Variants in SRPK3 observed in about 807,000 individuals in gnomAD.
SRPK3 encodes SRSF protein kinase 3.
Under a neutral mutation model 45.3 loss-of-function variants are expected in SRPK3, and 26 were observed. That is an observed-to-expected ratio of 0.57 (90% CI 0.42 to 0.80). SRPK3 has a LOEUF of 0.80. SRPK3 is among the 30% of genes least tolerant of loss of function. SRPK3 has a pLI of 0.00. For missense variants in SRPK3, 536 were observed against 514.5 expected (o/e 1.04, Z -0.40); for synonymous variants, 254 against 226.6 (o/e 1.12, Z -1.09).
intron 8 of SRPK3, 37 bp from the exon 9 acceptor site, chrX:153,783,715 G>C (rs1352312119): frequency 6.6e-6 from 8 of 1,207,183 alleles, no homozygotes; most frequent in Non-Finnish European, 7.8e-6. Context: ...GACTGGGGCG[G>C]GCGACAGGAA....
At position 153,781,206 on chromosome X, in the gene SRPK3, C is replaced by T. The variant is rs1557066675; in HGVS notation, c.60-10C>T. ...TCTCTCATGCCCACTGCCACTCACC[C>T]CACCCGCAGCTCACAGGCCTCCTGC... is the stretch of plus-strand genomic sequence containing the variant. On this transcript the variant is annotated splice_polypyrimidine_tract_variant and intron_variant, in intron 1 of 14. Coordinates refer to ENST00000370101, the MANE Select transcript of SRPK3 (RefSeq NM_014370.4). 2.5e-6 allele frequency: 3 copies of T among 1,203,729 alleles called. No individual in the cohort carries two copies. In the East Asian group the frequency reaches 9.0e-5, roughly 36 times the overall value.
chrX:153,783,037 G>A lies in SRPK3; in HGVS notation c.667G>A (p.Gly223Arg), dbSNP rs142432448. ...IKPENILLCV[G>R]DAYIRRLAAE... ...GCCCGAGAACATCTTGCTGTGTGTG[G>A]GGGACGCTTACATCAGGCGCCTGGC... Residue 223 changes from glycine to arginine, a missense_variant, in exon 7 of 15, where the codon GGG (glycine) becomes AGG (arginine). Gly to Arg is a moderately radical substitution (Grantham distance 125). Coordinates refer to ENST00000370101, the MANE Select transcript of SRPK3 (RefSeq NM_014370.4). 4.2e-6 allele frequency: 5 copies of A among 1,183,766 alleles called. No individual in the cohort carries two copies. Among genetic ancestry groups the A allele is most frequent in the South Asian group, 1.9e-5 (1 of 52,293 alleles).
At chrX:153,784,490 A>G in intron 11 of SRPK3, 96 bp downstream of exon 11, 1 of 993,955 alleles carries the variant, frequency 1.0e-6, no homozygotes, top group Non-Finnish European at 1.4e-6. Flanking sequence ...TCTGCAGTGC[A>G]CGTGAACCGT....
chrX:153,785,184 G>C lies in SRPK3; in HGVS notation c.1519+11G>C. 8.3e-7 allele frequency: 1 copy of C among 1,205,093 alleles called. No homozygotes were observed. The highest frequency in any genetic ancestry group is 3.0e-5 in the East Asian group (1 of 33,802). On this transcript the variant is annotated intron_variant, in intron 14 of 14. Transcript: ENST00000370101. Reference sequence around the variant, plus strand: ...TCTTCAACCGGAGAGGTGAGGGCCCGGGCAGCCTCAGGCCATGTGGCTGCA... The same window carrying C: ...TCTTCAACCGGAGAGGTGAGGGCCCCGGCAGCCTCAGGCCATGTGGCTGCA...
rs782586978 is a variant in SRPK3 at position 153,782,141 on chromosome X, T to C, written c.408T>C (p.Ser136=). The C allele has an allele frequency of 8.3e-7, 1 of 1,211,428 alleles. No individual in the cohort carries two copies. The highest frequency in any genetic ancestry group is 1.7e-5 in the African/African-American group (1 of 57,871). Residue 136 remains serine (S), a synonymous_variant, in exon 5 of 15, where the codon AGT becomes AGC. Transcript: ENST00000370101. ...TCCAGGTCCGGGACAGCGACCCCAGTGACCCCAAAAGAGAGACCATTGTCC... is the reference window on the plus strand; with the variant it reads ...TCCAGGTCCGGGACAGCGACCCCAGCGACCCCAAAAGAGAGACCATTGTCC... ...LLKCVRDSDP[S]DPKRETIVQL...
At chrX:153,783,934 A>G (rs3969088) in intron 9 of SRPK3, 40 bp from the exon 10 acceptor site, 467,027 of 1,194,499 alleles carry the variant, frequency 0.39, 69,482 homozygotes, top group East Asian at 0.79. Context: ...AAAGGCTGCA[A>G]GACATCTGCT....
At position 153,784,401 on chromosome X, in the gene SRPK3, G is replaced by C. The variant is rs1557068225; in HGVS notation, c.1248+7G>C. 5 of 1,207,057 alleles carry C rather than the reference G, an allele frequency of 4.1e-6. No homozygotes were observed. In the South Asian group the frequency reaches 7.1e-5, roughly 17 times the overall value. ...GGGCAACGCCTGCTGGGTGGTATGA[G>C]CAAGTGTGGGAGAGCAGAGTGGGGG... On this transcript the variant is annotated splice_region_variant and intron_variant, in intron 11 of 14. Transcript: ENST00000370101.
At position 153,784,038 on chromosome X, in the gene SRPK3, C is replaced by T. The variant is rs146985352; in HGVS notation, c.972C>T (p.Gly324=). The change falls in exon 10 of 15, where the codon GGC becomes GGT. Residue 324 remains glycine (G), a synonymous_variant. Coordinates refer to ENST00000370101, the MANE Select transcript of SRPK3 (RefSeq NM_014370.4). ...STSSSGCHPG[G]ARAGPSPASS... ...CCTCTTCAGGCTGTCACCCCGGGGG[C>T]GCCAGAGCAGGTCCCTCCCCAGCCT... The T allele has an allele frequency of 6.7e-4, 807 of 1,206,838 alleles. 3 individuals carry two copies. Among genetic ancestry groups the T allele is most frequent in the Non-Finnish European group, 8.8e-4 (785 of 893,884 alleles).
At chrX:153,783,196 C>T (rs782309018) in intron 7 of SRPK3, 30 bp from the exon 8 acceptor site, 1 of 962,697 alleles carries the variant, frequency 1.0e-6, no homozygotes. Flanking sequence ...CTCCCTGTCC[C>T]CCCCCACCGC....
rs782737721 is a variant in SRPK3 at position 153,783,204 on chromosome X, C to T, written c.749-22C>T. ...TCTGTTCCTCCCTGTCCCCCCCCAC[C>T]GCTCCCCACCTGCACTCCCAGTCAG... is the stretch of plus-strand genomic sequence containing the variant. On this transcript the variant is annotated intron_variant, in intron 7 of 14. Coordinates refer to ENST00000370101, the MANE Select transcript of SRPK3 (RefSeq NM_014370.4). The T allele has an allele frequency of 1.6e-4, 176 of 1,081,748 alleles. 2 individuals are homozygous for T. The highest frequency in any genetic ancestry group is 3.0e-4 in the Middle Eastern group (1 of 3,287). The allele number at this position is 1,081,748 out of a possible 1,213,427, so 89.1% of individuals were successfully genotyped here.
chrX:153,781,617 A>C lies in SRPK3; in HGVS notation c.299+4A>C, dbSNP rs1394716353. 4.1e-6 allele frequency: 5 copies of C among 1,207,095 alleles called. No individual in the cohort carries two copies. In the Admixed American group the frequency reaches 6.5e-5, roughly 16 times the overall value. On this transcript the variant is annotated splice_donor_region_variant and intron_variant, in intron 3 of 14. Coordinates refer to ENST00000370101, the MANE Select transcript of SRPK3 (RefSeq NM_014370.4). ...TCTGGCTCTGCTGGGACATCCAGTG[A>C]GTGCCTCCTTCGCCTCCGGGGCCCA... is the stretch of plus-strand genomic sequence containing the variant.
chrX:153,781,472 C>T, intron 2 of SRPK3, 33 bp from the exon 3 acceptor site: 1 of 1,194,065 alleles, frequency 8.4e-7, no homozygotes, highest in Non-Finnish European at 1.1e-6. Context: ...AGTGAGAACC[C>T]CCTCCACCCC....
chrX:153,785,123 C>A lies in SRPK3; in HGVS notation c.1469C>A (p.Pro490Gln). 1 of 1,211,164 alleles carries A rather than the reference C, an allele frequency of 8.3e-7. No individual in the cohort carries two copies. Among genetic ancestry groups the A allele is most frequent in the Non-Finnish European group, 1.1e-6 (1 of 895,379 alleles). Residue 490 changes from proline to glutamine, a missense_variant, in exon 14 of 15, where the codon CCA becomes CAA. Transcript: ENST00000370101. ...GTGGAGCTTCTGGGGGACATCCCCC[C>A]AGCCTTCGCCCTCTCAGGCCGCTAT... ...HIVELLGDIP[P>Q]AFALSGRYSR...
At chrX:153,784,426 G>A (rs2092072576) in intron 11 of SRPK3, 32 bp downstream of exon 11, 3 of 1,183,056 alleles carry the variant, frequency 2.5e-6, no homozygotes, top group Non-Finnish European at 3.4e-6. Context: ...CAGAGTGGGG[G>A]GCCCTGCTCC....
At chrX:153,784,696 G>A (rs1462651301) in intron 11 of SRPK3, 54 bp from the exon 12 acceptor site, 5 of 1,169,286 alleles carry the variant, frequency 4.3e-6, no homozygotes, top group Non-Finnish European at 5.8e-6. Flanking sequence ...AGGAGTCCGT[G>A]GGGGCAGGAC....
Position 153,784,080 on chromosome X carries a change from A to C in SRPK3, c.1014A>C (p.Pro338=), listed in dbSNP as rs4898444. Residue 338 remains proline, a synonymous_variant, in exon 10 of 15, where the codon CCA becomes CCC. Coordinates refer to ENST00000370101, the MANE Select transcript of SRPK3 (RefSeq NM_014370.4). ...CCCCAGCCTCTTCCTCCCCCGCCCC[A>C]GGGGGCGGCCGTAGCCTCAGCGCGG... ...GPSPASSSPA[P]GGGRSLSAGS... The C allele has an allele frequency of 8.3e-7, 1 of 1,209,531 alleles. No individual in the cohort carries two copies. Among genetic ancestry groups the C allele is most frequent in the Non-Finnish European group, 1.1e-6 (1 of 894,795 alleles).
chrX:153,781,634 C>T (rs181319684), intron 3 of SRPK3, 21 bp downstream of exon 3: 20 of 1,203,253 alleles, frequency 1.7e-5, no homozygotes, highest in East Asian at 1.2e-4. Context: ...CCTTCGCCTC[C>T]GGGGCCCAGC....
intron 14 of SRPK3, 35 bp from the exon 15 acceptor site, chrX:153,785,301 G>A (rs782053172): frequency 1.7e-6 from 2 of 1,196,450 alleles, no homozygotes; most frequent in South Asian, 3.6e-5. Flanking sequence ...TCCAGAGACA[G>A]GGACAGAGCC....
rs148269311 is a variant in SRPK3 at position 153,784,092 on chromosome X, T to C, written c.1026T>C (p.Arg342=). Reference sequence around the variant, plus strand: ...CCTCCCCCGCCCCAGGGGGCGGCCGTAGCCTCAGCGCGGGCTCACAGACCT... The same window carrying C: ...CCTCCCCCGCCCCAGGGGGCGGCCGCAGCCTCAGCGCGGGCTCACAGACCT... ...ASSSPAPGGG[R]SLSAGSQTSG... The change falls in exon 10 of 15, where the codon CGT becomes CGC. Residue 342 remains arginine (R), a synonymous_variant. Coordinates refer to ENST00000370101, the MANE Select transcript of SRPK3 (RefSeq NM_014370.4). 1.9e-4 allele frequency: 229 copies of C among 1,209,454 alleles called. 1 individual carries two copies. In the African/African-American group the frequency reaches 3.6e-3, roughly 19 times the overall value.
Sources: gnomAD v4.1 joint callset for allele counts on GRCh38, gnomAD v4.1.1 for gene constraint, MANE v1.5 for transcripts, NCBI Gene and HGNC (gene_info 2026-07-23, HGNC 2026-07-21) for gene names.